The following HPSE2 variants were observed in gnomAD, a reference collection of about 807,000 sequenced individuals.
The protein encoded by HPSE2 is inactive heparanase-2.
HPSE2 carries 38 observed loss-of-function variants against 60.5 expected under a neutral mutation model. That is an observed-to-expected ratio of 0.63 (90% CI 0.48 to 0.82). The LOEUF is 0.82. Ranked by LOEUF, HPSE2 falls within the 40% of genes least tolerant of loss-of-function variation. The pLI is 0.00. For missense variants in HPSE2, 713 were observed against 740.4 expected (o/e 0.96, Z 0.43); for synonymous variants, 295 against 293.2 (o/e 1.01, Z -0.06).
intron 9 of HPSE2, among the ~76,000 whole-genome samples, chr10:98,505,511 G>A (rs187537000): frequency 5.3e-5 from 8 of 152,210 alleles, no homozygotes; most frequent in Admixed American, 1.3e-4. Context: ...ACCAGTGTCC[G>A]TATGGATCTC....
chr10:98,857,256 C>T (rs1379799453), intron 3 of HPSE2, among the ~76,000 whole-genome samples: 4 of 152,172 alleles, frequency 2.6e-5, no homozygotes, highest in Non-Finnish European at 5.9e-5. Flanking sequence ...CCACAGTCCT[C>T]TGTGGGTACC....
chr10:99,146,114 T>C (rs1016465706), intron 2 of HPSE2, among the ~76,000 whole-genome samples: 7 of 152,248 alleles, frequency 4.6e-5, no homozygotes, highest in African/African-American at 1.7e-4. Context: ...AAGAATATAC[T>C]AGCTTTTAAG....
chr10:98,674,460 T>C (rs1947584431), intron 6 of HPSE2, among the ~76,000 whole-genome samples: 1 of 152,220 alleles, frequency 6.6e-6, no homozygotes, highest in Non-Finnish European at 1.5e-5. Context: ...TAAAAGCAAC[T>C]GAAGACATGA....
At chr10:98,713,641 T>G (rs752318391) in intron 5 of HPSE2, among the ~76,000 whole-genome samples, 12 of 152,042 alleles carry the variant, frequency 7.9e-5, no homozygotes, top group Non-Finnish European at 1.0e-4. Context: ...AACTAATATA[T>G]TAAAAGCACA....
intron 3 of HPSE2, among the ~76,000 whole-genome samples, chr10:98,747,854 G>C (rs1949664481): frequency 6.6e-6 from 1 of 152,062 alleles, no homozygotes; most frequent in African/African-American, 2.4e-5. Context: ...CTTAAGTTTG[G>C]TACCGTATCT....
chr10:98,873,592 C>A (rs1432382374), intron 3 of HPSE2, among the ~76,000 whole-genome samples: 2 of 152,074 alleles, frequency 1.3e-5, no homozygotes, highest in Non-Finnish European at 2.9e-5. Context: ...TTATGTACCA[C>A]TTTTTCTTTA....
At chr10:98,801,521 A>G (rs189716671) in intron 3 of HPSE2, among the ~76,000 whole-genome samples, 1 of 152,302 alleles carries the variant, frequency 6.6e-6, no homozygotes. Flanking sequence ...CAAAATCAAC[A>G]TGAAAAAACC....
rs182832229 is a variant in HPSE2 at position 98,661,204 on chromosome 10, A to G, written c.1005-19264T>C. ...AATAATTATCTCCTTCAAAGGATACATAAGAAAAGTCACTGGAAGCAGCAT... is the reference window on the plus strand; with the variant it reads ...AATAATTATCTCCTTCAAAGGATACGTAAGAAAAGTCACTGGAAGCAGCAT... On this transcript the variant is annotated intron_variant, in intron 6 of 11. Transcript: ENST00000370552. Among the ~76,000 whole-genome samples, 494 of 152,372 alleles carry G rather than the reference A, an allele frequency of 3.2e-3. 2 individuals carry two copies. Among genetic ancestry groups the G allele is most frequent in the Non-Finnish European group, 4.7e-3 (322 of 68,038 alleles).
At chr10:98,463,088 C>A (rs1257024758) in intron 11 of HPSE2, among the ~76,000 whole-genome samples, 2 of 152,086 alleles carry the variant, frequency 1.3e-5, no homozygotes, top group Non-Finnish European at 2.9e-5. Flanking sequence ...AATAATTCGA[C>A]CTTATAGTGT....
At chr10:98,810,236 T>A (rs1409039440) in intron 3 of HPSE2, among the ~76,000 whole-genome samples, 1 of 152,038 alleles carries the variant, frequency 6.6e-6, no homozygotes, top group Non-Finnish European at 1.5e-5. Context: ...CTTATCTGCT[T>A]CCCCTGTAAG....
chr10:99,165,255 C>T (rs1390812486), intron 2 of HPSE2, among the ~76,000 whole-genome samples: 1 of 152,030 alleles, frequency 6.6e-6, no homozygotes, highest in African/African-American at 2.4e-5. Context: ...CTTTAAGAAA[C>T]ATATTTACCA....
chr10:98,752,948 CAA>C (rs1305927204), intron 3 of HPSE2, among the ~76,000 whole-genome samples: 1 of 152,106 alleles, frequency 6.6e-6, no homozygotes, highest in Admixed American at 6.6e-5. Flanking sequence ...CACAGAAAGA[CAA>C]ATACTGCATG....
At chr10:98,468,596 A>G (rs1051160349) in intron 11 of HPSE2, among the ~76,000 whole-genome samples, 4 of 151,696 alleles carry the variant, frequency 2.6e-5, no homozygotes, top group South Asian at 4.2e-4. Flanking sequence ...GGCTTATTTT[A>G]TCTGTGTGCT....
At chr10:98,957,638 C>T (rs1955543720) in intron 3 of HPSE2, among the ~76,000 whole-genome samples, 1 of 152,132 alleles carries the variant, frequency 6.6e-6, no homozygotes, top group African/African-American at 2.4e-5. Context: ...TCTTCTGATT[C>T]CATAGCTCTA....
At chr10:98,629,563 C>T (rs1946306297) in intron 7 of HPSE2, among the ~76,000 whole-genome samples, 2 of 152,182 alleles carry the variant, frequency 1.3e-5, no homozygotes, top group South Asian at 2.1e-4. Flanking sequence ...TGACTCTGTC[C>T]TCTTCTTCCT....
At chr10:98,474,983 G>T (rs1350283594) in intron 11 of HPSE2, among the ~76,000 whole-genome samples, 2 of 152,136 alleles carry the variant, frequency 1.3e-5, no homozygotes, top group Non-Finnish European at 2.9e-5. Flanking sequence ...AAAGCCAGGT[G>T]AGGATATGGC....
rs1339772815 is a variant in HPSE2, at chr10:98,459,031, AG to A, written c.*542del. ...ATACAAACAGCTCTCCCAGCAGGCC[AG>A]GGCTGACACACCCATTACTCCCCTA... On this transcript the variant is annotated 3_prime_UTR_variant, in exon 12 of 12. Transcript: ENST00000370552. 5.6e-6 allele frequency: 1 copy of A among 177,062 alleles called. No homozygotes were observed. The highest frequency in any genetic ancestry group is 1.4e-4 in the East Asian group (1 of 7,312). The allele number at this position is 177,062 out of a possible 1,614,324, so 11.0% of individuals were successfully genotyped here. A position where few individuals can be genotyped will look rare whatever the true frequency, so the allele number is the denominator to read the frequency against.
intron 3 of HPSE2, among the ~76,000 whole-genome samples, chr10:98,910,789 A>G (rs1216553900): frequency 6.6e-6 from 1 of 152,202 alleles, no homozygotes; most frequent in African/African-American, 2.4e-5. Flanking sequence ...GTTTTCCACT[A>G]TACCAAATTC....
chr10:98,864,945 G>A (rs1236953391), intron 3 of HPSE2, among the ~76,000 whole-genome samples: 1 of 152,092 alleles, frequency 6.6e-6, no homozygotes, highest in African/African-American at 2.4e-5. Context: ...TAGAGGTTAT[G>A]TGAAAGCAAG....
Sources: gnomAD v4.1 joint callset for allele counts (sites outside exome capture counted in the v4.1 genomes callset) on GRCh38, gnomAD v4.1.1 for gene constraint, MANE v1.5 for transcripts, NCBI Gene and HGNC (gene_info 2026-07-23, HGNC 2026-07-21) for gene names.